Variants in HOPX observed in about 807,000 individuals in gnomAD.
The protein encoded by HOPX is HOP homeobox, also known as homeodomain-only protein.
Under a neutral mutation model 11.8 loss-of-function variants are expected in HOPX, and 5 were observed. That is an observed-to-expected ratio of 0.43 (90% CI 0.22 to 0.89). The LOEUF (loss-of-function observed/expected upper bound fraction) is 0.89. HOPX is among the 40% of genes least tolerant of loss of function. The pLI is 0.28. For missense variants in HOPX, 119 were observed against 120.0 expected (o/e 0.99, Z 0.04); for synonymous variants, 49 against 49.7 (o/e 0.99, Z 0.06).
chr4:56,669,806 T>A (rs1338968172), intron 1 of HOPX, among the ~76,000 whole-genome samples: 2 of 152,168 alleles, frequency 1.3e-5, no homozygotes, highest in African/African-American at 4.8e-5. Flanking sequence ...AGGTAGAGAA[T>A]AGTAAAAATG....
At chr4:56,654,761 G>C (rs916073185) in intron 3 of HOPX, among the ~76,000 whole-genome samples, 3 of 152,176 alleles carry the variant, frequency 2.0e-5, no homozygotes, top group African/African-American at 7.2e-5. Context: ...TCCATTACAA[G>C]CTTCTAAACC....
At chr4:56,648,989 T>C in intron 3 of HOPX, 192 bp from the exon 4 acceptor site, 1 of 488,992 alleles carries the variant, frequency 2.0e-6, no homozygotes, top group Non-Finnish European at 3.7e-6. Context: ...TTCCTATGTT[T>C]AGAATATTCT....
intron 1 of HOPX, among the ~76,000 whole-genome samples, chr4:56,666,065 C>T (rs918203226): frequency 1.3e-5 from 2 of 152,130 alleles, no homozygotes; most frequent in South Asian, 4.2e-4. Flanking sequence ...TACTTCCCTC[C>T]CTGTGGCGTA....
At chr4:56,665,563 A>T (rs569530390) in intron 1 of HOPX, 6 of 152,198 alleles carry the variant, frequency 3.9e-5, no homozygotes, top group Non-Finnish European at 8.8e-5. Context: ...CCCCCAAACA[A>T]CATAGAGTTG....
At chr4:56,662,581 G>A (rs1718208008) in intron 1 of HOPX, 1 of 151,678 alleles carries the variant, frequency 6.6e-6, no homozygotes, top group African/African-American at 2.4e-5. Flanking sequence ...CCGGGTTCAA[G>A]CGATTCTCCT....
At chr4:56,655,386 C>T (rs1717586423) in intron 3 of HOPX, among the ~76,000 whole-genome samples, 1 of 152,148 alleles carries the variant, frequency 6.6e-6, no homozygotes, top group Non-Finnish European at 1.5e-5. Context: ...AACCGGAGGA[C>T]TGAATTTATG....
At position 56,648,651 on chromosome 4, in the gene HOPX, C is replaced by A; in HGVS notation, c.*69G>T. On this transcript the variant is annotated 3_prime_UTR_variant, in exon 4 of 4. Coordinates refer to ENST00000420433, the MANE Select transcript of HOPX (RefSeq NM_032495.6). ...ACACTATGCTGAAAAACCACAACAG[C>A]TTGGTTAAGCGGAGGAGAGAAACAG... The A allele has an allele frequency of 8.5e-7, 1 of 1,170,370 alleles. No homozygotes were observed. Among genetic ancestry groups the A allele is most frequent in the South Asian group, 1.3e-5 (1 of 74,166 alleles). The allele number at this position is 1,170,370 out of a possible 1,614,324, so 72.5% of individuals were successfully genotyped here. A position where few individuals can be genotyped will look rare whatever the true frequency, so the allele number is the denominator to read the frequency against.
rs1485528004 is a variant in HOPX at position 56,648,549 on chromosome 4, C to A, written c.*171G>T. 7 of 458,864 alleles carry A rather than the reference C, an allele frequency of 1.5e-5. No homozygotes were observed. The highest frequency in any genetic ancestry group is 2.8e-5 in the Non-Finnish European group (7 of 252,944). The allele number at this position is 458,864 out of a possible 1,614,324, so 28.4% of individuals were successfully genotyped here. On this transcript the variant is annotated 3_prime_UTR_variant, in exon 4 of 4. Coordinates refer to ENST00000420433, the MANE Select transcript of HOPX (RefSeq NM_032495.6). Reference sequence around the variant, plus strand: ...ACACATAGCTTCCTATTGTTATTTTCTTTTCTAATTATGTACATTTAGAAA... The same window carrying A: ...ACACATAGCTTCCTATTGTTATTTTATTTTCTAATTATGTACATTTAGAAA...
At chr4:56,656,467 G>C (rs935895286) in intron 2 of HOPX, 3 of 971,168 alleles carry the variant, frequency 3.1e-6, no homozygotes, top group African/African-American at 2.0e-5. Context: ...GGGTGGGTTC[G>C]CCCGAGTCCG....
rs749414849 is a variant in HOPX, at chr4:56,648,791, A to G, written c.205T>C (p.Phe69Leu). The change falls in exon 4 of 4, where the codon TTT (phenylalanine) becomes CTT (leucine). Residue 69 changes from phenylalanine to leucine, a missense_variant. Phe to Leu is a conservative substitution (Grantham distance 22). Transcript: ENST00000420433. The stretch of plus-strand genomic sequence containing the variant: ...CGCCACTTTGCCAGGCGCTGCTTAA[A>G]CCATTTCTGGAAGAGAGAAATGAGA... The part of the protein sequence containing the change: ...GLSEEETQKW[F>L]KQRLAKWRRS... 2 of 1,608,240 alleles carry G rather than the reference A, an allele frequency of 1.2e-6. No homozygotes were observed. Among genetic ancestry groups the G allele is most frequent in the Admixed American group, 3.3e-5 (2 of 59,940 alleles).
At chr4:56,677,590 A>C (rs1719081322) in intron 1 of HOPX, among the ~76,000 whole-genome samples, 1 of 151,696 alleles carries the variant, frequency 6.6e-6, no homozygotes, top group African/African-American at 2.4e-5. Context: ...TAAGACCTGG[A>C]AAGTGGCACA....
upstream of HOPX, chr4:56,681,460 C>A (rs1560378717): frequency 1.0e-6 from 1 of 991,674 alleles, no homozygotes. Flanking sequence ...TTACGTCTCT[C>A]CTGGTTATTC....
chr4:56,678,196 T>G (rs966824714), intron 1 of HOPX, among the ~76,000 whole-genome samples: 1 of 151,406 alleles, frequency 6.6e-6, no homozygotes, highest in Non-Finnish European at 1.5e-5. Flanking sequence ...CCTCTGTTGC[T>G]GTGTTCCCTG....
intron 1 of HOPX, among the ~76,000 whole-genome samples, chr4:56,668,349 A>C (rs944785408): frequency 1.3e-5 from 2 of 152,254 alleles, no homozygotes; most frequent in Non-Finnish European, 2.9e-5. Context: ...ACTGTGAACA[A>C]TAAAGAAAAA....
intron 1 of HOPX, among the ~76,000 whole-genome samples, chr4:56,678,317 T>G (rs1199025975): frequency 6.6e-6 from 1 of 151,518 alleles, no homozygotes; most frequent in East Asian, 1.9e-4. Context: ...ATGGTTTTGA[T>G]TTCACTGGTT....
intron 1 of HOPX, chr4:56,665,207 C>T (rs112940630): frequency 2.0e-5 from 3 of 152,226 alleles, no homozygotes; most frequent in African/African-American, 7.2e-5. Flanking sequence ...GTCCTCATGC[C>T]TTGGCCTCCC....
At chr4:56,680,837 A>G (rs187433891) in intron 1 of HOPX, 41 of 176,376 alleles carry the variant, frequency 2.3e-4, no homozygotes, top group African/African-American at 6.7e-4. Flanking sequence ...AACACAAAAC[A>G]TATTTTAAAA....
chr4:56,660,449 G>C (rs967578921), intron 1 of HOPX, among the ~76,000 whole-genome samples: 1 of 151,998 alleles, frequency 6.6e-6, no homozygotes, highest in African/African-American at 2.4e-5. Flanking sequence ...GTTAACAGTG[G>C]TTATATCTAG....
intron 1 of HOPX, among the ~76,000 whole-genome samples, chr4:56,674,845 T>C (rs966312379): frequency 2.0e-5 from 3 of 149,434 alleles, no homozygotes; most frequent in Non-Finnish European, 4.4e-5. Flanking sequence ...ACTTCTGGGC[T>C]CAAGCAACCT....
Sources: gnomAD v4.1 joint callset for allele counts (sites outside exome capture counted in the v4.1 genomes callset) on GRCh38, gnomAD v4.1.1 for gene constraint, MANE v1.5 for transcripts, NCBI Gene and HGNC (gene_info 2026-07-23, HGNC 2026-07-21) for gene names.